The following MACROD2 variants were observed in gnomAD, a reference collection of about 807,000 sequenced individuals.
MACROD2 encodes the protein mono-ADP ribosylhydrolase 2, also known as ADP-ribose glycohydrolase MACROD2.
Under a neutral mutation model 70.4 loss-of-function variants are expected in MACROD2, and 36 were observed. That is an observed-to-expected ratio of 0.51 (90% CI 0.39 to 0.68). The LOEUF (loss-of-function observed/expected upper bound fraction) is 0.68. Among genes scored for constraint, MACROD2 ranks in the 30% least tolerant of loss-of-function variants. MACROD2 has a pLI of 0.00. For synonymous variants in MACROD2, 172 were observed against 178.8 expected (o/e 0.96, Z 0.30); for missense variants, 496 against 538.4 (o/e 0.92, Z 0.78).
chr20:14,737,114 A>C (rs892638432), intron 5 of MACROD2, among the ~76,000 whole-genome samples: 2 of 151,874 alleles, frequency 1.3e-5, no homozygotes, highest in African/African-American at 2.4e-5. Context: ...AGCCCCCACC[A>C]CCCAACAGGC....
At chr20:14,415,424 G>A (rs968799388) in intron 3 of MACROD2, among the ~76,000 whole-genome samples, 4 of 151,906 alleles carry the variant, frequency 2.6e-5, no homozygotes, top group African/African-American at 4.9e-5. Context: ...GGCCAATTGT[G>A]TGACCACCAA....
intron 3 of MACROD2, among the ~76,000 whole-genome samples, chr20:14,111,355 G>A (rs2054448828): frequency 1.3e-5 from 2 of 152,016 alleles, no homozygotes; most frequent in South Asian, 4.1e-4. Flanking sequence ...AGCAAACATG[G>A]ACAAATGGGA....
intron 5 of MACROD2, chr20:15,022,705 T>G (rs1023667414): frequency 1.3e-5 from 2 of 152,218 alleles, no homozygotes; most frequent in African/African-American, 2.4e-5. Flanking sequence ...CATAGCTTTA[T>G]GAGTTTTGCC....
chr20:14,663,251 G>A (rs149008009), intron 4 of MACROD2, among the ~76,000 whole-genome samples: 14 of 152,002 alleles, frequency 9.2e-5, no homozygotes, highest in Non-Finnish European at 2.1e-4. Context: ...AATGCCACAG[G>A]TTCTGACTTC....
intron 5 of MACROD2, among the ~76,000 whole-genome samples, chr20:15,050,848 A>G (rs1194659821): frequency 6.6e-6 from 1 of 152,040 alleles, no homozygotes; most frequent in Non-Finnish European, 1.5e-5. Context: ...ATAATTATTT[A>G]TACATATATG....
chr20:14,757,700 G>A, intron 5 of MACROD2: 2 of 1,466,628 alleles, frequency 1.4e-6, no homozygotes, highest in Non-Finnish European at 1.9e-6. Flanking sequence ...TGTCATAAAG[G>A]CCATGCAGTC....
chr20:15,235,942 AT>A (rs1406313544), intron 6 of MACROD2, among the ~76,000 whole-genome samples: 1 of 151,902 alleles, frequency 6.6e-6, no homozygotes, highest in African/African-American at 2.4e-5. Flanking sequence ...CACCTGTCTC[AT>A]TTTCTCATTT....
At chr20:15,458,622 TTTTTG>T (rs1461240651) in intron 7 of MACROD2, among the ~76,000 whole-genome samples, 4 of 143,106 alleles carry the variant, frequency 2.8e-5, no homozygotes, top group East Asian at 2.0e-4. Flanking sequence ...TTTTTTTGTT[TTTTTG>T]TTTTTTTTTT....
At chr20:14,919,932 A>G (rs2074140821) in intron 5 of MACROD2, among the ~76,000 whole-genome samples, 1 of 152,122 alleles carries the variant, frequency 6.6e-6, no homozygotes, top group Non-Finnish European at 1.5e-5. Context: ...ATGAGCAATC[A>G]TTCTAGTCAG....
At chr20:14,973,342 C>T (rs1430885654) in intron 5 of MACROD2, among the ~76,000 whole-genome samples, 1 of 151,030 alleles carries the variant, frequency 6.6e-6, no homozygotes, top group African/African-American at 2.4e-5. Flanking sequence ...CCTACATCAG[C>T]ACCCTGAGTA....
At chr20:15,968,939 G>A (rs1289038489) in intron 13 of MACROD2, among the ~76,000 whole-genome samples, 2 of 151,192 alleles carry the variant, frequency 1.3e-5, no homozygotes, top group Admixed American at 1.3e-4. Flanking sequence ...GGGAGGCAAT[G>A]AATCTCCAGA....
At position 14,082,373 on chromosome 20, in the gene MACROD2, T is replaced by C. The variant is rs868241180; in HGVS notation, c.164-3248T>C. Among the ~76,000 whole-genome samples the C allele has an allele frequency of 7.3e-3, 1,083 of 148,346 alleles. 12 individuals are homozygous for C. The highest frequency in any genetic ancestry group is 0.024 in the African/African-American group (987 of 40,496). ...TTTTGTATTTTTTTTTTTTTTTTTT[T>C]AGTAGAGACGGAGTTTCACCATGTT... On this transcript the variant is annotated intron_variant, in intron 2 of 17. Coordinates refer to ENST00000684519, the MANE Select transcript of MACROD2 (RefSeq NM_001351661.2).
chr20:14,178,783 T>G (rs1024334772), intron 3 of MACROD2, among the ~76,000 whole-genome samples: 2 of 150,432 alleles, frequency 1.3e-5, no homozygotes, highest in Non-Finnish European at 3.0e-5. Context: ...AGGTTTGACT[T>G]GGATGTAGAG....
chr20:14,836,106 A>C lies in MACROD2; in HGVS notation c.418+151147A>C, dbSNP rs572574684. 1.2e-4 allele frequency among the ~76,000 whole-genome samples: 19 copies of C among 152,198 alleles called. No homozygotes were observed. The East Asian group carries it at 2.1e-3, about 17-fold the overall frequency. ...AAAAACAATCAAACAAACAAAAAAA[A>C]CCACAACACCATAAAACTAATAAAC... On this transcript the variant is annotated intron_variant, in intron 5 of 17. Coordinates refer to ENST00000684519, the MANE Select transcript of MACROD2 (RefSeq NM_001351661.2).
intron 5 of MACROD2, among the ~76,000 whole-genome samples, chr20:15,127,001 C>T (rs1428447353): frequency 6.6e-6 from 1 of 152,020 alleles, no homozygotes; most frequent in African/African-American, 2.4e-5. Flanking sequence ...ATTATTGTTT[C>T]TAAATTTTCT....
intron 5 of MACROD2, among the ~76,000 whole-genome samples, chr20:15,077,173 AATT>A (rs2075664705): frequency 6.6e-6 from 1 of 152,176 alleles, no homozygotes; most frequent in Non-Finnish European, 1.5e-5. Flanking sequence ...ACAAAGGAGA[AATT>A]ATATTCTTTA....
At chr20:15,790,785 A>G (rs984975052) in intron 8 of MACROD2, among the ~76,000 whole-genome samples, 15 of 151,936 alleles carry the variant, frequency 9.9e-5, no homozygotes, top group African/African-American at 3.6e-4. Flanking sequence ...ATGCAGTGGA[A>G]TCAACTGAGA....
chr20:15,870,079 G>A (rs907406754), intron 9 of MACROD2, among the ~76,000 whole-genome samples: 1 of 151,800 alleles, frequency 6.6e-6, no homozygotes, highest in Non-Finnish European at 1.5e-5. Context: ...TCTCAACCAC[G>A]TTTCACTTAT....
At chr20:14,459,314 T>C (rs1474610958) in intron 3 of MACROD2, among the ~76,000 whole-genome samples, 1 of 152,056 alleles carries the variant, frequency 6.6e-6, no homozygotes, top group Non-Finnish European at 1.5e-5. Context: ...TAATCAGCTC[T>C]TTCTGGATCA....
Sources: allele counts gnomAD v4.1 joint callset (sites outside exome capture counted in the v4.1 genomes callset), GRCh38; gene constraint gnomAD v4.1.1; transcripts MANE v1.5; gene names NCBI Gene and HGNC (gene_info 2026-07-23, HGNC 2026-07-21).